The following NYX variants were observed in gnomAD, a reference collection of about 807,000 sequenced individuals.
The protein encoded by NYX is nyctalopin, also known as leucine-rich repeat protein.
For missense variants in NYX, 481 were observed against 485.4 expected (o/e 0.99, Z 0.09); for synonymous variants, 258 against 245.7 (o/e 1.05, Z -0.47).
chrX:41,473,467 C>T (rs1201281684), intron 2 of NYX, 24 bp from the exon 3 acceptor site: 7 of 964,767 alleles, frequency 7.3e-6, no homozygotes, highest in Non-Finnish European at 9.1e-6. Context: ...TCCTTCCCGA[C>T]TCCCCACCAC....
intron 2 of NYX, among the ~76,000 whole-genome samples, chrX:41,470,999 T>A (rs917057790): frequency 9.0e-6 from 1 of 111,387 alleles, no homozygotes; most frequent in Non-Finnish European, 1.9e-5. Context: ...GAGATGCAGA[T>A]GAACTGGGAA....
intron 2 of NYX, among the ~76,000 whole-genome samples, chrX:41,463,084 C>G (rs1387043998): frequency 9.0e-6 from 1 of 111,406 alleles, no homozygotes; most frequent in East Asian, 2.8e-4. Context: ...CCTGTGTTAT[C>G]TCCACGAAGC....
chrX:41,471,127 G>A (rs190435550), intron 2 of NYX, among the ~76,000 whole-genome samples: 2 of 111,054 alleles, frequency 1.8e-5, no homozygotes. Context: ...TTTTGGAGGG[G>A]GGGGATGGAG....
At chrX:41,452,036 C>T (rs960065705) in intron 2 of NYX, among the ~76,000 whole-genome samples, 18 of 110,622 alleles carry the variant, frequency 1.6e-4, no homozygotes, top group African/African-American at 5.6e-4. Context: ...TGTAGTGGTG[C>T]GATTATGGCT....
intron 2 of NYX, among the ~76,000 whole-genome samples, chrX:41,458,613 C>T (rs1486563278): frequency 9.1e-5 from 10 of 109,339 alleles, no homozygotes; most frequent in African/African-American, 2.3e-4. Context: ...ACTACAGGTG[C>T]GTGCCACCAT....
At chrX:41,456,214 G>C (rs983584708) in intron 2 of NYX, among the ~76,000 whole-genome samples, 3 of 111,358 alleles carry the variant, frequency 2.7e-5, no homozygotes, top group African/African-American at 9.8e-5. Context: ...GTGCGTGCCA[G>C]TAGTCCCAGC....
At chrX:41,470,693 TC>T (rs2064355924) in intron 2 of NYX, among the ~76,000 whole-genome samples, 1 of 22,619 alleles carries the variant, frequency 4.4e-5, no homozygotes, top group African/African-American at 1.7e-4. Flanking sequence ...GGACTCTGTC[TC>T]AAAAAAAAAA....
At chrX:41,460,876 A>AT (rs59383905) in intron 2 of NYX, among the ~76,000 whole-genome samples, 427 of 24,774 alleles carry the variant, frequency 0.017, 45 homozygotes, top group South Asian at 0.026. Flanking sequence ...CACAGTATGT[A>AT]TTTTTTTTTT....
Position 41,475,199 on chromosome X carries a change from C to CTCCCCT in NYX, c.*307_*312dup. 1 of 366,006 alleles carries CTCCCCT rather than the reference C, an allele frequency of 2.7e-6. No homozygotes were observed. The highest frequency in any genetic ancestry group is 4.2e-5 in the South Asian group (1 of 23,543). The allele number at this position is 366,006 out of a possible 1,213,427, so 30.2% of individuals were successfully genotyped here. A position where few individuals can be genotyped will look rare whatever the true frequency, so the allele number is the denominator to read the frequency against. On this transcript the variant is annotated 3_prime_UTR_variant, in exon 3 of 3. Transcript: ENST00000378220. ...AGGGCTTCACATCCCTTCCCCTCCCCTCCCCTTCCCCTCATCTTCCAGGCA... is the reference window on the plus strand; with the variant it reads ...AGGGCTTCACATCCCTTCCCCTCCCCTCCCCTTCCCCTTCCCCTCATCTTCCAGGCA...
chrX:41,469,453 T>C (rs1306135128), intron 2 of NYX, among the ~76,000 whole-genome samples: 3 of 111,365 alleles, frequency 2.7e-5, no homozygotes, highest in East Asian at 2.8e-4. Flanking sequence ...GAAATAAACA[T>C]TGTGCATCTA....
At chrX:41,470,388 A>T (rs1446930425) in intron 2 of NYX, among the ~76,000 whole-genome samples, 1 of 112,191 alleles carries the variant, frequency 8.9e-6, no homozygotes, top group African/African-American at 3.2e-5. Context: ...TGTAACATGT[A>T]ATCAGTATAA....
intron 2 of NYX, among the ~76,000 whole-genome samples, chrX:41,461,058 G>A (rs1165701095): frequency 9.5e-6 from 1 of 104,896 alleles, no homozygotes; most frequent in Non-Finnish European, 1.9e-5. Context: ...GGGAACAGGA[G>A]GTATTTGGTT....
chrX:41,465,354 T>A (rs1225978094), intron 2 of NYX, among the ~76,000 whole-genome samples: 1 of 110,649 alleles, frequency 9.0e-6, no homozygotes. Context: ...GTTAAATTAC[T>A]GGCAGATCAC....
Position 41,473,768 on chromosome X carries a change from C to T in NYX, c.300C>T (p.Ala100=). 1 of 1,147,311 alleles carries T rather than the reference C, an allele frequency of 8.7e-7. No homozygotes were observed. Among genetic ancestry groups the T allele is most frequent in the Non-Finnish European group, 1.2e-6 (1 of 868,992 alleles). The allele number at this position is 1,147,311 out of a possible 1,213,427, so 94.6% of individuals were successfully genotyped here. Residue 100 remains alanine (A), a synonymous_variant, in exon 3 of 3, where the codon GCC becomes GCT. Coordinates refer to ENST00000378220, the MANE Select transcript of NYX (RefSeq NM_001378477.3). ...ACCTGTCCTTCATCACGCCCGGCGC[C>T]TTCAAGGGCCTGCCGCGCCTGGCTG... ...HNNLSFITPG[A]FKGLPRLAEL...
intron 2 of NYX, among the ~76,000 whole-genome samples, chrX:41,455,944 T>C (rs1038633143): frequency 1.8e-5 from 2 of 111,348 alleles, no homozygotes; most frequent in Non-Finnish European, 3.8e-5. Flanking sequence ...CAGTGTTTGA[T>C]TTGATGTTAT....
chrX:41,459,033 A>AGAT, intron 2 of NYX, among the ~76,000 whole-genome samples: 1 of 110,069 alleles, frequency 9.1e-6, no homozygotes, highest in East Asian at 3.0e-4. Flanking sequence ...CAGTGAGCTG[A>AGAT]GATGGCGCCA....
intron 2 of NYX, among the ~76,000 whole-genome samples, chrX:41,452,144 GT>G (rs2064282594): frequency 9.1e-6 from 1 of 109,530 alleles, no homozygotes; most frequent in African/African-American, 3.3e-5. Flanking sequence ...GCTAATTTTT[GT>G]TTTTTGTTGT....
Position 41,473,872 on chromosome X carries a change from T to C in NYX, c.404T>C (p.Leu135Pro). 8.9e-7 allele frequency: 1 copy of C among 1,126,934 alleles called. No homozygotes were observed. Among genetic ancestry groups the C allele is most frequent in the Non-Finnish European group, 1.2e-6 (1 of 860,035 alleles). The allele number at this position is 1,126,934 out of a possible 1,213,427, so 92.9% of individuals were successfully genotyped here. Residue 135 changes from leucine (L) to proline (P), a missense_variant, in exon 3 of 3, where the codon CTA becomes CCA. Physicochemically the swap from Leu to Pro is moderately conservative, Grantham distance 98 (BLOSUM62 -3). Transcript: ENST00000378220. The stretch of plus-strand genomic sequence containing the variant: ...GCGGCGCTCAGCCGCCTGCGCCGCC[T>C]AGACCTAGCAGCCTGCCGCCTCTTC... ...TFAALSRLRR[L>P]DLAACRLFSV...
rs1371347364 is a variant in NYX at position 41,473,501 on chromosome X, C to T, written c.33C>T (p.Leu11=). 8 of 979,421 alleles carry T rather than the reference C, an allele frequency of 8.2e-6. No individual in the cohort carries two copies. The highest frequency in any genetic ancestry group is 4.5e-5 in the East Asian group (1 of 22,237). 80.7% of individuals were successfully genotyped at this position (979,421 alleles called of 1,213,427 possible). A position where few individuals can be genotyped will look rare whatever the true frequency, so the allele number is the denominator to read the frequency against. The change falls in exon 3 of 3, where the codon CTC becomes CTT. Residue 11 remains leucine (L), a synonymous_variant. Coordinates refer to ENST00000378220, the MANE Select transcript of NYX (RefSeq NM_001378477.3). The part of the protein sequence containing the change: MLVLLLHAVV[L]GLPSAWAVGA... ...ACCCTGTCCCCGCAGCGGTGGTCCT[C>T]GGCCTGCCCAGCGCCTGGGCCGTGG...
Sources: gnomAD v4.1 joint callset for allele counts (sites outside exome capture counted in the v4.1 genomes callset) on GRCh38, gnomAD v4.1.1 for gene constraint, MANE v1.5 for transcripts, NCBI Gene and HGNC (gene_info 2026-07-23, HGNC 2026-07-21) for gene names.